Variants in C5orf34 observed in about 807,000 individuals in gnomAD.
C5orf34 encodes chromosome 5 open reading frame 34.
C5orf34 carries 73 observed loss-of-function variants against 78.4 expected under a neutral mutation model. That is an observed-to-expected ratio of 0.93 (90% CI 0.77 to 1.13). The LOEUF (loss-of-function observed/expected upper bound fraction) is 1.13, where lower values mean the gene tolerates loss of function less well. Among genes scored for constraint, C5orf34 ranks in the 50% most tolerant of loss-of-function variants. The probability of loss-of-function intolerance (pLI) is 0.00; values close to 1 mark genes in which losing one functional copy is unlikely to be tolerated. For synonymous variants in C5orf34, 251 were observed against 246.6 expected, an observed-to-expected ratio of 1.02 and a Z score of -0.17; for missense variants, 730 against 732.7, an observed-to-expected ratio of 1.00 and a Z score of 0.04.
At position 43,487,082 on chromosome 5, in the gene C5orf34, G is replaced by C; in HGVS notation, c.1750C>G (p.Gln584Glu). ...TGTTCATTTTTCTTGTTAGAAATCT[G>C]GTTTAGGATACCACTATTTTCTAGT... The part of the protein sequence containing the change: ...LLLENSGILN[Q>E]ISNKKNEQQS... The change falls in exon 13 of 13, where the codon CAG becomes GAG. Residue 584 changes from glutamine (Q) to glutamate (E), a missense_variant. Transcript: ENST00000306862. 2 of 1,550,420 alleles carry C rather than the reference G, an allele frequency of 1.3e-6. No individual in the cohort carries two copies. Among genetic ancestry groups the C allele is most frequent in the East Asian group, 4.8e-5 (2 of 41,918 alleles).
In C5orf34 at chr5:43,506,197, C is replaced by A. The variant is rs1427553180; in HGVS notation, c.483G>T (p.Leu161Phe). ...TTGGGGCTTTATTATTTGTTTCTGA[C>A]AACACTGCAGATGAGTCTGACTTCT... ...VSQKSDSSAV[L>F]SETNNKAPKD... Residue 161 changes from leucine (L) to phenylalanine (F), a missense_variant, in exon 4 of 13, where the codon TTG becomes TTT. Leu to Phe is a conservative substitution (Grantham distance 22, BLOSUM62 0). Transcript: ENST00000306862. The A allele has an allele frequency of 1.2e-6, 2 of 1,614,094 alleles. No individual in the cohort carries two copies. Among genetic ancestry groups the A allele is most frequent in the Non-Finnish European group, 1.7e-6 (2 of 1,180,040 alleles).
intron 7 of C5orf34, among the ~76,000 whole-genome samples, chr5:43,493,898 T>A (rs188499476): frequency 2.2e-4 from 33 of 152,274 alleles, no homozygotes; most frequent in Admixed American, 2.0e-3. Flanking sequence ...AGGTGATAGA[T>A]TCACACTGCC....
chr5:43,496,555 C>A, intron 6 of C5orf34: 1 of 852,464 alleles, frequency 1.2e-6, no homozygotes, highest in Non-Finnish European at 1.7e-6. Context: ...TATAGAATTA[C>A]TCCTATTCAT....
chr5:43,494,739 A>G, intron 6 of C5orf34, 138 bp from the exon 7 acceptor site: 3 of 509,804 alleles, frequency 5.9e-6, no homozygotes, highest in Admixed American at 3.6e-5. Context: ...CCACAAAATC[A>G]TGGTATTTTA....
At chr5:43,496,061 G>T in intron 6 of C5orf34, 1 of 1,581,998 alleles carries the variant, frequency 6.3e-7, no homozygotes, top group Non-Finnish European at 8.6e-7. Context: ...ATGCTCTCAG[G>T]TCTGCCCATT....
At chr5:43,492,444 A>T (rs766028877) in intron 9 of C5orf34, 135 bp from the exon 10 acceptor site, 12 of 656,774 alleles carry the variant, frequency 1.8e-5, no homozygotes, top group Non-Finnish European at 2.9e-5. Flanking sequence ...TGTTGTTTAC[A>T]TGAGATATGG....
intron 6 of C5orf34, chr5:43,495,024 T>A: frequency 7.2e-7 from 1 of 1,381,350 alleles, no homozygotes; most frequent in Non-Finnish European, 1.0e-6. Context: ...TCTGAGACCA[T>A]TCTTCCACCA....
At chr5:43,496,581 AAT>A in intron 6 of C5orf34, 2 of 608,934 alleles carry the variant, frequency 3.3e-6, no homozygotes, top group Non-Finnish European at 2.3e-6. Context: ...AGTTTTTTTT[AAT>A]TTTTTTTTTT....
chr5:43,492,640 T>G, intron 9 of C5orf34, 80 bp downstream of exon 9: 2 of 1,196,172 alleles, frequency 1.7e-6, no homozygotes, highest in Non-Finnish European at 2.4e-6. Context: ...TGAACTGAAA[T>G]AGTGTGGTAC....
rs1353245781 is a variant in C5orf34 at position 43,496,571 on chromosome 5, A to C, written c.1153-1970T>G. 7.1e-5 allele frequency: 53 copies of C among 741,748 alleles called. 1 individual carries two copies. Among genetic ancestry groups the C allele is most frequent in the Non-Finnish European group, 9.7e-5 (50 of 517,304 alleles). The allele number at this position is 741,748 out of a possible 1,614,324, so 45.9% of individuals were successfully genotyped here. On this transcript the variant is annotated intron_variant, in intron 6 of 12. Coordinates refer to ENST00000306862, the MANE Select transcript of C5orf34 (RefSeq NM_198566.4). ...ATAGAATTACTCCTATTCATTCAAA[A>C]GTTTTTTTTAATTTTTTTTTTTTTT...
rs1483523900 is a variant in C5orf34, at chr5:43,509,158, A to G, written c.182T>C (p.Ile61Thr). Residue 61 changes from isoleucine (I) to threonine (T), a missense_variant, in exon 2 of 13, where the codon ATT becomes ACT. Transcript: ENST00000306862. Reference protein sequence around the residue: ...ERIRQRTHFVISTYREQLQRA... With the variant: ...ERIRQRTHFVTSTYREQLQRA... Reference sequence around the variant, plus strand: ...ATCTTTACTTACTCTGTAAGTGCTAATGACAAAATGTGTCCTTTGACGAAT... The same window carrying G: ...ATCTTTACTTACTCTGTAAGTGCTAGTGACAAAATGTGTCCTTTGACGAAT... The G allele has an allele frequency of 1.2e-6, 2 of 1,612,608 alleles. No homozygotes were observed. The highest frequency in any genetic ancestry group is 2.7e-5 in the African/African-American group (2 of 74,814).
Position 43,503,761 on chromosome 5 carries a change from C to CATCA in C5orf34, c.933-2_933-1insTGAT. ...TAAAAGTGAATCACAAAAATTCCAC[C>CATCA]TGTGAAGGATAAAATACAAGCTATT... On this transcript the variant is annotated splice_acceptor_variant, in intron 4 of 12. Transcript: ENST00000306862. LOFTEE classifies it high-confidence loss of function. 1 of 1,596,958 alleles carries CATCA rather than the reference C, an allele frequency of 6.3e-7. No individual in the cohort carries two copies. The highest frequency in any genetic ancestry group is 8.6e-7 in the Non-Finnish European group (1 of 1,164,578).
At chr5:43,498,082 C>A (rs1277136663) in intron 6 of C5orf34, among the ~76,000 whole-genome samples, 2 of 152,132 alleles carry the variant, frequency 1.3e-5, no homozygotes, top group Non-Finnish European at 2.9e-5. Flanking sequence ...GCCTCTTGGT[C>A]TTAATTACAA....
intron 4 of C5orf34, among the ~76,000 whole-genome samples, chr5:43,504,645 T>G (rs1259160259): frequency 6.6e-6 from 1 of 152,128 alleles, no homozygotes; most frequent in Non-Finnish European, 1.5e-5. Flanking sequence ...TAGGGATTGC[T>G]AAAGTCCAGC....
chr5:43,490,755 A>C (rs777301262), intron 10 of C5orf34, 26 bp from the exon 11 acceptor site: 11 of 1,216,658 alleles, frequency 9.0e-6, no homozygotes, highest in Non-Finnish European at 1.3e-5. Context: ...TAAAAGAAAT[A>C]CTTGAAAAAT....
In C5orf34 at chr5:43,506,348, G is replaced by C; in HGVS notation, c.332C>G (p.Thr111Arg). 6.2e-7 allele frequency: 1 copy of C among 1,613,136 alleles called. No homozygotes were observed. The highest frequency in any genetic ancestry group is 8.5e-7 in the Non-Finnish European group (1 of 1,179,734). The change falls in exon 4 of 13, where the codon ACA becomes AGA. Residue 111 changes from threonine (T) to arginine (R), a missense_variant. Thr to Arg is a moderately conservative substitution (Grantham distance 71, BLOSUM62 -1). Coordinates refer to ENST00000306862, the MANE Select transcript of C5orf34 (RefSeq NM_198566.4). ...CTCCATATATATCATGGTACCATCT[G>C]TATCAAGACTGGGCCATCTCACTTC... ...ITEVRWPSLD[T>R]DGTMIYMESG...
chr5:43,486,923 T>G lies in C5orf34; in HGVS notation c.1909A>C (p.Lys637Gln). ...HDIDCLLSNS[K>Q]K ...TGTAATAATTCCATTTTTCACTTTT[T>G]AGAGTTTGATAGAAGACAGTCAATA... The change falls in exon 13 of 13, where the codon AAA becomes CAA. Residue 637 changes from lysine (K) to glutamine (Q), a missense_variant. By Grantham distance (53) the Lys-to-Gln change is moderately conservative. Coordinates refer to ENST00000306862, the MANE Select transcript of C5orf34 (RefSeq NM_198566.4). The G allele has an allele frequency of 9.3e-6, 14 of 1,510,442 alleles. No individual in the cohort carries two copies. The highest frequency in any genetic ancestry group is 1.2e-5 in the Non-Finnish European group (14 of 1,131,612). The allele number at this position is 1,510,442 out of a possible 1,614,324, so 93.6% of individuals were successfully genotyped here.
chr5:43,511,342 AGCCGCC>A, intron 1 of C5orf34: 1 of 153,424 alleles, frequency 6.5e-6, no homozygotes, highest in East Asian at 2.4e-4. Flanking sequence ...CCCGTCCGGC[AGCCGCC>A]CCGTCCGGGA....
At chr5:43,502,198 TA>T (rs1014567625) in intron 6 of C5orf34, among the ~76,000 whole-genome samples, 173 bp downstream of exon 6, 2 of 152,110 alleles carry the variant, frequency 1.3e-5, no homozygotes, top group African/African-American at 4.8e-5. Context: ...ACAGTAAAAA[TA>T]AGGTGGTTAA....
Sources: gnomAD v4.1 joint callset for allele counts (sites outside exome capture counted in the v4.1 genomes callset) on GRCh38, gnomAD v4.1.1 for gene constraint, MANE v1.5 for transcripts, NCBI Gene and HGNC (gene_info 2026-07-23, HGNC 2026-07-21) for gene names.